The following PARP3 variants were observed in gnomAD, a reference collection of about 807,000 sequenced individuals.
The protein encoded by PARP3 is poly(ADP-ribose) polymerase family member 3.
A neutral mutation model predicts 58.2 loss-of-function variants in PARP3; 46 were observed. The observed-to-expected ratio is 0.79, with a 90% CI of 0.62 to 1.01. PARP3 has a LOEUF of 1.01. PARP3 is among the 50% of genes least tolerant of loss of function. The pLI, the probability that PARP3 is intolerant of heterozygous loss-of-function variation, is 0.00. For synonymous variants in PARP3, 252 were observed against 266.4 expected (o/e 0.95, Z 0.53); for missense variants, 663 against 683.9 (o/e 0.97, Z 0.34).
At position 51,944,843 on chromosome 3, in the gene PARP3, G is replaced by A. The variant is rs374455167; in HGVS notation, c.567G>A (p.Thr189=). 48 of 1,613,848 alleles carry A rather than the reference G, an allele frequency of 3.0e-5. No individual in the cohort carries two copies. The highest frequency in any genetic ancestry group is 3.8e-5 in the Non-Finnish European group (45 of 1,180,026). Residue 189 remains threonine, a synonymous_variant, in exon 5 of 11, where the codon ACG becomes ACA. Coordinates refer to ENST00000398755, the MANE Select transcript of PARP3 (RefSeq NM_001003931.4). The surrounding 1 kb of genome is among the most constrained non-coding windows in gnomAD (Gnocchi z 4.2). ...AGCCCTGCTCCCTGGACCCAGCCAC[G>A]CAGAAGCTCATCACTAACATCTTCA... ...RVQPCSLDPA[T]QKLITNIFSK...
intron 2 of PARP3, among the ~76,000 whole-genome samples, chr3:51,943,849 C>T (rs1367879688): frequency 6.6e-6 from 1 of 151,988 alleles, no homozygotes; most frequent in Non-Finnish European, 1.5e-5. Flanking sequence ...TCAGATTCCC[C>T]CATCCAGGGC....
rs1699737600 is a variant in PARP3, at chr3:51,948,635, T to C, written c.*155T>C. 3 of 675,094 alleles carry C rather than the reference T, an allele frequency of 4.4e-6. No individual in the cohort carries two copies. The highest frequency in any genetic ancestry group is 7.3e-6 in the Non-Finnish European group (3 of 412,796). The allele number at this position is 675,094 out of a possible 1,614,324, so 41.8% of individuals were successfully genotyped here. A position where few individuals can be genotyped will look rare whatever the true frequency, so the allele number is the denominator to read the frequency against. On this transcript the variant is annotated 3_prime_UTR_variant, in exon 11 of 11. Coordinates refer to ENST00000398755, the MANE Select transcript of PARP3 (RefSeq NM_001003931.4). ...ATGCTGTACAAGATCCCTGAACTTA[T>C]GCCTCCTAACTGAAATTTTGTATTC...
chr3:51,947,980 G>T lies in PARP3; in HGVS notation c.1432+85G>T. On this transcript the variant is annotated intron_variant, in intron 10 of 10. Coordinates refer to ENST00000398755, the MANE Select transcript of PARP3 (RefSeq NM_001003931.4). ...ACATTTTCAGGGAGGGGGCTGTGAA[G>T]AGGGACAAAAAGAAGCTTCCCTGTC... 4 of 1,367,038 alleles carry T rather than the reference G, an allele frequency of 2.9e-6. No individual in the cohort carries two copies. In the Admixed American group the frequency reaches 8.0e-5, roughly 27 times the overall value. 84.7% of individuals were successfully genotyped at this position (1,367,038 alleles called of 1,614,324 possible).
At position 51,942,547 on chromosome 3, in the gene PARP3, C is replaced by T; in HGVS notation, c.-164C>T. On this transcript the variant is annotated 5_prime_UTR_variant, in exon 1 of 11. Coordinates refer to ENST00000398755, the MANE Select transcript of PARP3 (RefSeq NM_001003931.4). ...GGCCAAATAGCCGATGTCTAATCCC[C>T]CACACAAGCTCATCCCCGGCCTCTG... The T allele has an allele frequency of 1.4e-6, 1 of 717,822 alleles. No individual in the cohort carries two copies. The highest frequency in any genetic ancestry group is 2.6e-6 in the Non-Finnish European group (1 of 387,428). 44.5% of individuals were successfully genotyped at this position (717,822 alleles called of 1,614,324 possible).
Position 51,947,830 on chromosome 3 carries a change from A to T in PARP3, c.1367A>T (p.Asn456Ile). ...AGAGAGCACCATATCAACACGGACA[A>T]CCCCAGCTTGAAGAGCCCACCTCCT... is the stretch of plus-strand genomic sequence containing the variant. ...LGREHHINTD[N>I]PSLKSPPPGF... Residue 456 changes from asparagine to isoleucine, a missense_variant, in exon 10 of 11, where the codon AAC becomes ATC. By Grantham distance (149) the Asn-to-Ile change is moderately radical. Coordinates refer to ENST00000398755, the MANE Select transcript of PARP3 (RefSeq NM_001003931.4). 1 of 1,613,690 alleles carries T rather than the reference A, an allele frequency of 6.2e-7. No homozygotes were observed. The highest frequency in any genetic ancestry group is 8.5e-7 in the Non-Finnish European group (1 of 1,179,928).
chr3:51,945,481 G>T lies in PARP3; in HGVS notation c.862-14G>T, dbSNP rs1438828798. The T allele has an allele frequency of 1.2e-6, 2 of 1,611,808 alleles. No individual in the cohort carries two copies. Among genetic ancestry groups the T allele is most frequent in the Non-Finnish European group, 1.7e-6 (2 of 1,178,826 alleles). On this transcript the variant is annotated splice_polypyrimidine_tract_variant and intron_variant, in intron 6 of 10. Coordinates refer to ENST00000398755, the MANE Select transcript of PARP3 (RefSeq NM_001003931.4). ...TCAAGTGGGAAGACAAACTGCCAGG[G>T]CCCATCATCCTAGGTGCTGGCGGAC...
chr3:51,943,409 G>T lies in PARP3; in HGVS notation c.54G>T (p.Lys18Asn). 1 of 1,603,782 alleles carries T rather than the reference G, an allele frequency of 6.2e-7. No homozygotes were observed. Among genetic ancestry groups the T allele is most frequent in the South Asian group, 1.1e-5 (1 of 89,318 alleles). The change falls in exon 2 of 11, where the codon AAG (lysine) becomes AAT (asparagine). Residue 18 changes from lysine to asparagine, a missense_variant. By Grantham distance (94) the Lys-to-Asn change is moderately conservative. Transcript: ENST00000398755. ...WVQTEGPEKK[K>N]GRQAGREEDP... Reference sequence around the variant, plus strand: ...AGACTGAGGGCCCTGAGAAGAAGAAGGGCCGGCAGGCAGGAAGGGAGGAGG... The same window carrying T: ...AGACTGAGGGCCCTGAGAAGAAGAATGGCCGGCAGGCAGGAAGGGAGGAGG...
chr3:51,944,948 AGGGTGGCAGG>A lies in PARP3; in HGVS notation c.634+40_635-39del. 1 of 1,613,034 alleles carries A rather than the reference AGGGTGGCAGG, an allele frequency of 6.2e-7. No homozygotes were observed. The highest frequency in any genetic ancestry group is 8.5e-7 in the Non-Finnish European group (1 of 1,179,616). On this transcript the variant is annotated intron_variant, in intron 5 of 10. Coordinates refer to ENST00000398755, the MANE Select transcript of PARP3 (RefSeq NM_001003931.4). This position sits in a 1 kb window ranked among gnomAD's most constrained non-coding sequence, Gnocchi z 4.2. ...AGGCAGGCAGGGTGGCAGGGGCCTC[AGGGTGGCAGG>A]GCTGTGGGGCTGAGTCTCCCCACTC...
Position 51,944,305 on chromosome 3 carries a change from C to T in PARP3, c.313-85C>T. The T allele has an allele frequency of 6.2e-7, 1 of 1,605,248 alleles. No individual in the cohort carries two copies. The highest frequency in any genetic ancestry group is 8.5e-7 in the Non-Finnish European group (1 of 1,174,424). On this transcript the variant is annotated intron_variant, in intron 3 of 10. Transcript: ENST00000398755. This position sits in a 1 kb window ranked among gnomAD's most constrained non-coding sequence, Gnocchi z 4.2. ...TTGGGGGGGCACCTCCCAACTGTCC[C>T]AGGGCACTCAGCACAGGGCCTGGCC... is the stretch of plus-strand genomic sequence containing the variant.
In PARP3 at chr3:51,943,632, A is replaced by C. The variant is rs1699597521; in HGVS notation, c.183+94A>C. On this transcript the variant is annotated intron_variant, in intron 2 of 10. Transcript: ENST00000398755. Reference sequence around the variant, plus strand: ...CCTTAGGACTCTGTTCTGGTTTTGGAGCCCAAGGCCCCCAGGTAAGCGCCA... The same window carrying C: ...CCTTAGGACTCTGTTCTGGTTTTGGCGCCCAAGGCCCCCAGGTAAGCGCCA... 10 of 1,186,758 alleles carry C rather than the reference A, an allele frequency of 8.4e-6. No homozygotes were observed. The Admixed American group carries it at 2.4e-4, about 29-fold the overall frequency. 73.5% of individuals were successfully genotyped at this position (1,186,758 alleles called of 1,614,324 possible).
chr3:51,943,438 C>A lies in PARP3; in HGVS notation c.83C>A (p.Pro28His), dbSNP rs1298521980. Residue 28 changes from proline (P) to histidine (H), a missense_variant, in exon 2 of 11, where the codon CCC (proline) becomes CAC (histidine). Physicochemically the swap from Pro to His is moderately conservative, Grantham distance 77. Around this residue, in one of 3 missense-constraint regions of PARP3, gnomAD observed 567 missense variants for 553.6 expected, o/e 1.02. Transcript: ENST00000398755. ...CGGCAGGCAGGAAGGGAGGAGGACCCCTTCCGCTCCACCGCTGAGGCCCTC... is the reference window on the plus strand; with the variant it reads ...CGGCAGGCAGGAAGGGAGGAGGACCACTTCCGCTCCACCGCTGAGGCCCTC... Reference protein sequence around the residue: ...KGRQAGREEDPFRSTAEALKA... With the variant: ...KGRQAGREEDHFRSTAEALKA... 3 of 1,607,622 alleles carry A rather than the reference C, an allele frequency of 1.9e-6. No individual in the cohort carries two copies. Among genetic ancestry groups the A allele is most frequent in the East Asian group, 2.2e-5 (1 of 44,648 alleles).
chr3:51,944,107 T>C lies in PARP3; in HGVS notation c.202T>C (p.Cys68Arg), dbSNP rs751564378. 9.3e-6 allele frequency: 15 copies of C among 1,612,882 alleles called. No individual in the cohort carries two copies. The highest frequency in any genetic ancestry group is 1.3e-5 in the Non-Finnish European group (15 of 1,179,510). Residue 68 changes from cysteine (C) to arginine (R), a missense_variant, in exon 3 of 11, where the codon TGC becomes CGC. Cys to Arg is a radical substitution (Grantham distance 180). Coordinates refer to ENST00000398755, the MANE Select transcript of PARP3 (RefSeq NM_001003931.4). This position sits in a 1 kb window ranked among gnomAD's most constrained non-coding sequence, Gnocchi z 4.2. Reference protein sequence around the residue: ...PGTQVYEDYNCTLNQTNIENN... With the variant: ...PGTQVYEDYNRTLNQTNIENN... ...GGCCCAGGTGTATGAGGACTACAAC[T>C]GCACCCTGAACCAGACCAACATCGA...
Position 51,945,379 on chromosome 3 carries a change from G to C in PARP3, c.862-116G>C, listed in dbSNP as rs1699652274. 2.2e-6 allele frequency: 3 copies of C among 1,387,920 alleles called. No homozygotes were observed. The African/African-American group carries it at 4.3e-5, about 20-fold the overall frequency. The allele number at this position is 1,387,920 out of a possible 1,614,324, so 86.0% of individuals were successfully genotyped here. ...GGAAGGCTGGGCAGACAGATAGGGT[G>C]GGGAGGGACAGGTGGGACACACAGG... On this transcript the variant is annotated intron_variant, in intron 6 of 10. Coordinates refer to ENST00000398755, the MANE Select transcript of PARP3 (RefSeq NM_001003931.4).
Position 51,945,032 on chromosome 3 carries a change from G to A in PARP3, c.669G>A (p.Lys223=), listed in dbSNP as rs767301379. Residue 223 remains lysine, a synonymous_variant, in exon 6 of 11, where the codon AAG becomes AAA. Coordinates refer to ENST00000398755, the MANE Select transcript of PARP3 (RefSeq NM_001003931.4). ...AGATGCCCCTGGGAAAGCTGAGCAA[G>A]CAACAGATTGCACGGGGTTTCGAGG... ...VKKMPLGKLS[K]QQIARGFEAL... 6.2e-7 allele frequency: 1 copy of A among 1,614,090 alleles called. No individual in the cohort carries two copies. The highest frequency in any genetic ancestry group is 8.5e-7 in the Non-Finnish European group (1 of 1,180,022).
intron 1 of PARP3, 78 bp from the exon 2 acceptor site, chr3:51,943,276 A>G (rs1436171826): frequency 1.6e-5 from 22 of 1,376,004 alleles, no homozygotes; most frequent in Non-Finnish European, 2.1e-5. Context: ...GGCCCAGGGC[A>G]GGGGTGGGGA....
chr3:51,943,237 C>G (rs909240787), intron 1 of PARP3, 117 bp from the exon 2 acceptor site: 3 of 1,168,894 alleles, frequency 2.6e-6, no homozygotes, highest in Non-Finnish European at 3.5e-6. Context: ...GAAGGGCCAA[C>G]CCGGGGTGGG....
chr3:51,944,029 T>A lies in PARP3; in HGVS notation c.184-60T>A. The A allele has an allele frequency of 1.3e-6, 2 of 1,548,962 alleles. No individual in the cohort carries two copies. Among genetic ancestry groups the A allele is most frequent in the Non-Finnish European group, 1.8e-6 (2 of 1,138,070 alleles). ...TGTCCCCATCAGAGCCCTCTCGGTG[T>A]ACGGCCAGGCACCCCATCTGACCCC... is the stretch of plus-strand genomic sequence containing the variant. On this transcript the variant is annotated intron_variant, in intron 2 of 10. Coordinates refer to ENST00000398755, the MANE Select transcript of PARP3 (RefSeq NM_001003931.4). This position sits in a 1 kb window ranked among gnomAD's most constrained non-coding sequence, Gnocchi z 4.2.
At position 51,944,759 on chromosome 3, in the gene PARP3, A is replaced by G; in HGVS notation, c.502-19A>G. 6 of 1,600,930 alleles carry G rather than the reference A, an allele frequency of 3.7e-6. No homozygotes were observed. Among genetic ancestry groups the G allele is most frequent in the Non-Finnish European group, 5.1e-6 (6 of 1,173,694 alleles). The stretch of plus-strand genomic sequence containing the variant: ...GCCCTGCCCCGCTGCTCCTGCCCAC[A>G]TGTGCCCTCTATCTTCAGGTGGACA... On this transcript the variant is annotated intron_variant, in intron 4 of 10. Transcript: ENST00000398755. The surrounding 1 kb of genome is among the most constrained non-coding windows in gnomAD (Gnocchi z 4.2).
chr3:51,947,924 G>A, intron 10 of PARP3, 29 bp downstream of exon 10: 2 of 1,608,226 alleles, frequency 1.2e-6, no homozygotes, highest in South Asian at 2.2e-5. Flanking sequence ...TACAGCCCAA[G>A]GAGAGAGGTG....
Sources: allele counts gnomAD v4.1 joint callset (sites outside exome capture counted in the v4.1 genomes callset), GRCh38; gene constraint gnomAD v4.1.1; regional missense constraint gnomAD v4.1.1; non-coding constraint Gnocchi (gnomAD v3.1); transcripts MANE v1.5; gene names NCBI Gene and HGNC (gene_info 2026-07-23, HGNC 2026-07-21).